Variants in EPHB2 observed in about 807,000 individuals in gnomAD.
The protein encoded by EPHB2 is EPH receptor B2.
Under a neutral mutation model 96.4 loss-of-function variants are expected in EPHB2, and 18 were observed. The ratio of observed to expected loss-of-function variants is 0.19; its 90% confidence interval spans 0.13 to 0.28. EPHB2 has a LOEUF of 0.28. Among genes scored for constraint, EPHB2 ranks in the 10% least tolerant of loss-of-function variants. EPHB2 has a pLI of 1.00. For missense variants in EPHB2, 989 were observed against 1,355.4 expected, an observed-to-expected ratio of 0.73 and a Z score of 4.25; for synonymous variants, 506 against 534.1, an observed-to-expected ratio of 0.95 and a Z score of 0.72.
At chr1:22,912,888 G>A (rs1474749169) in intron 15 of EPHB2, 5 of 434,348 alleles carry the variant, frequency 1.2e-5, no homozygotes, top group African/African-American at 8.1e-5. Flanking sequence ...TAAAGGAAGC[G>A]GGTGCTTAGA....
intron 3 of EPHB2, among the ~76,000 whole-genome samples, chr1:22,826,927 G>A (rs574481342): frequency 1.3e-5 from 2 of 152,344 alleles, no homozygotes; most frequent in East Asian, 3.9e-4. Context: ...TATAAATTGA[G>A]CCAGGTTCTT....
In EPHB2 at chr1:22,817,324, A is replaced by G. The variant is rs145381730; in HGVS notation, c.811+32248A>G. Among the ~76,000 whole-genome samples, 477 of 152,364 alleles carry G rather than the reference A, an allele frequency of 3.1e-3. 7 individuals are homozygous for G. Among genetic ancestry groups the G allele is most frequent in the African/African-American group, 0.01 (425 of 41,582 alleles). On this transcript the variant is annotated intron_variant, in intron 3 of 15. Transcript: ENST00000374630. ...AATCCTCATAACCACGCTCTGAAGCAGGTCCTGATATTATTCCCATTTTAC... is the reference window on the plus strand; with the variant it reads ...AATCCTCATAACCACGCTCTGAAGCGGGTCCTGATATTATTCCCATTTTAC...
At chr1:22,729,017 A>G (rs1387281838) in intron 1 of EPHB2, among the ~76,000 whole-genome samples, 1 of 152,150 alleles carries the variant, frequency 6.6e-6, no homozygotes, top group Non-Finnish European at 1.5e-5. Context: ...GGAGAAACAA[A>G]CACAGCTGTG....
At chr1:22,748,547 A>T (rs987366329) in intron 1 of EPHB2, among the ~76,000 whole-genome samples, 4 of 151,650 alleles carry the variant, frequency 2.6e-5, no homozygotes, top group African/African-American at 9.7e-5. Flanking sequence ...ATGCCCAGCT[A>T]ATTTTTGTAT....
chr1:22,772,072 C>T (rs1644386351), intron 1 of EPHB2, among the ~76,000 whole-genome samples: 1 of 151,998 alleles, frequency 6.6e-6, no homozygotes, highest in Admixed American at 6.6e-5. Flanking sequence ...CCCACCCCAC[C>T]CCCAGCAACC....
intron 1 of EPHB2, among the ~76,000 whole-genome samples, chr1:22,759,102 C>A (rs1240483084): frequency 6.6e-6 from 1 of 152,088 alleles, no homozygotes; most frequent in Non-Finnish European, 1.5e-5. Context: ...ATGATTTGCT[C>A]CCTCCTCAGG....
Position 22,811,525 on chromosome 1 carries a change from G to T in EPHB2, c.811+26449G>T, listed in dbSNP as rs1279914399. On this transcript the variant is annotated intron_variant, in intron 3 of 15. Transcript: ENST00000374630. ...TAAGGGGCTAAAGATAATTGCCTGG[G>T]CACTGGGGATGGAGGGCAGAAAGTT... is the stretch of plus-strand genomic sequence containing the variant. Among the ~76,000 whole-genome samples the T allele has an allele frequency of 2.0e-5, 3 of 152,170 alleles. No homozygotes were observed. The East Asian group carries it at 5.8e-4, about 29-fold the overall frequency.
At chr1:22,756,114 G>A (rs61769336) in intron 1 of EPHB2, among the ~76,000 whole-genome samples, 5 of 152,274 alleles carry the variant, frequency 3.3e-5, no homozygotes, top group East Asian at 1.9e-4. Context: ...CTTCTGGGGC[G>A]GGGATGGGCT....
At chr1:22,781,383 AG>A (rs1353464772) in intron 1 of EPHB2, 37 bp from the exon 2 acceptor site, 2 of 1,592,378 alleles carry the variant, frequency 1.3e-6, no homozygotes, top group African/African-American at 2.7e-5. Context: ...AGCGCCTGGT[AG>A]GTGGGGCGGG....
chr1:22,728,280 A>G lies in EPHB2; in HGVS notation c.61+17237A>G, dbSNP rs962998647. Among the ~76,000 whole-genome samples, 7 of 152,244 alleles carry G rather than the reference A, an allele frequency of 4.6e-5. No homozygotes were observed. In the East Asian group the frequency reaches 5.8e-4, roughly 13 times the overall value. On this transcript the variant is annotated intron_variant, in intron 1 of 15. Coordinates refer to ENST00000374630, the MANE Select transcript of EPHB2 (RefSeq NM_017449.5). The stretch of plus-strand genomic sequence containing the variant: ...ACATATGATTTACGGGTTCCTCACA[A>G]TGTGCCTGGCACTGCAGAAAATGCT...
intron 3 of EPHB2, among the ~76,000 whole-genome samples, chr1:22,859,515 G>C (rs1341671138): frequency 6.6e-6 from 1 of 152,164 alleles, no homozygotes; most frequent in Non-Finnish European, 1.5e-5. Flanking sequence ...TACAAATAAG[G>C]CTGGGCTCAG....
At chr1:22,731,208 T>C (rs1643702649) in intron 1 of EPHB2, among the ~76,000 whole-genome samples, 1 of 152,202 alleles carries the variant, frequency 6.6e-6, no homozygotes, top group Non-Finnish European at 1.5e-5. Flanking sequence ...TTGGTGACTC[T>C]AGCATGTGCT....
rs533629881 is a variant in EPHB2 at position 22,906,627 on chromosome 1, G to A, written c.1889-83G>A. On this transcript the variant is annotated intron_variant, in intron 10 of 15. Coordinates refer to ENST00000374630, the MANE Select transcript of EPHB2 (RefSeq NM_017449.5). The surrounding 1 kb of genome is among the most constrained non-coding windows in gnomAD (Gnocchi z 4.8). The stretch of plus-strand genomic sequence containing the variant: ...AGAAGAAAATGTACCTGCAGGCCCC[G>A]TGAGTGGACATGACAGGGAACAGGA... 36 of 1,601,438 alleles carry A rather than the reference G, an allele frequency of 2.2e-5. No individual in the cohort carries two copies. The highest frequency in any genetic ancestry group is 7.8e-5 in the South Asian group (7 of 89,444).
rs140287306 is a variant in EPHB2 at position 22,913,294 on chromosome 1, A to G, written c.2853-168A>G. 4,140 of 824,058 alleles carry G rather than the reference A, an allele frequency of 5.0e-3. 27 individuals are homozygous for G. Among genetic ancestry groups the G allele is most frequent in the Non-Finnish European group, 5.6e-3 (2,826 of 505,784 alleles). 51.0% of individuals were successfully genotyped at this position (824,058 alleles called of 1,614,324 possible). A position where few individuals can be genotyped will look rare whatever the true frequency, so the allele number is the denominator to read the frequency against. ...CGACTCAAGTGCTCTTCCACCTCACACCATAGTCGCTCCCTCCAGCTGTGG... is the reference window on the plus strand; with the variant it reads ...CGACTCAAGTGCTCTTCCACCTCACGCCATAGTCGCTCCCTCCAGCTGTGG... On this transcript the variant is annotated intron_variant, in intron 15 of 15. Transcript: ENST00000374630. This position sits in a 1 kb window ranked among gnomAD's most constrained non-coding sequence, Gnocchi z 4.1.
chr1:22,886,052 G>C (rs1225326994), intron 6 of EPHB2, among the ~76,000 whole-genome samples: 3 of 152,172 alleles, frequency 2.0e-5, no homozygotes, highest in Non-Finnish European at 4.4e-5. Context: ...CAGACACTGA[G>C]AGCCATGAGA....
chr1:22,807,080 A>G (rs1186367508), intron 3 of EPHB2, among the ~76,000 whole-genome samples: 1 of 152,168 alleles, frequency 6.6e-6, no homozygotes, highest in Admixed American at 6.5e-5. Flanking sequence ...CATGGGTCCC[A>G]CGCTTCGAGG....
At chr1:22,806,029 A>T (rs1644920284) in intron 3 of EPHB2, among the ~76,000 whole-genome samples, 4 of 152,152 alleles carry the variant, frequency 2.6e-5, no homozygotes, top group Admixed American at 1.3e-4. Context: ...GGGGAAACTG[A>T]GGCTGGGAAG....
At chr1:22,720,761 A>G (rs897081487) in intron 1 of EPHB2, among the ~76,000 whole-genome samples, 1 of 150,142 alleles carries the variant, frequency 6.7e-6, no homozygotes, top group Non-Finnish European at 1.5e-5. Flanking sequence ...GTACAGCACA[A>G]GGCTTGGCTC....
chr1:22,839,858 G>C (rs1170481866), intron 3 of EPHB2, among the ~76,000 whole-genome samples: 1 of 152,004 alleles, frequency 6.6e-6, no homozygotes, highest in Non-Finnish European at 1.5e-5. Flanking sequence ...TGAACTAGAC[G>C]GTCAAGCCCC....
Sources: gnomAD v4.1 joint callset for allele counts (sites outside exome capture counted in the v4.1 genomes callset) on GRCh38, gnomAD v4.1.1 for gene constraint, Gnocchi (gnomAD v3.1) non-coding constraint, MANE v1.5 for transcripts, NCBI Gene and HGNC (gene_info 2026-07-23, HGNC 2026-07-21) for gene names.